Variants in SPAG17 observed in about 807,000 individuals in gnomAD.
SPAG17 encodes the protein sperm associated antigen 17.
Under a neutral mutation model 273.6 loss-of-function variants are expected in SPAG17, and 169 were observed. The observed-to-expected ratio is 0.62, with a 90% CI of 0.55 to 0.70. The LOEUF (loss-of-function observed/expected upper bound fraction) is 0.70, where lower values mean the gene tolerates loss of function less well. SPAG17 is among the 30% of genes least tolerant of loss of function. SPAG17 has a pLI of 0.00. For missense variants in SPAG17, 2,557 were observed against 2,627.8 expected (o/e 0.97, Z 0.59); for synonymous variants, 825 against 873.2 (o/e 0.94, Z 0.97).
chr1:118,133,164 C>T (rs1273123030), intron 3 of SPAG17, among the ~76,000 whole-genome samples: 2 of 152,102 alleles, frequency 1.3e-5, no homozygotes, highest in Admixed American at 1.3e-4. Flanking sequence ...GCATGAATAT[C>T]CTCCAGCAAC....
At chr1:118,179,681 C>G (rs763119497) in intron 1 of SPAG17, among the ~76,000 whole-genome samples, 1 of 151,930 alleles carries the variant, frequency 6.6e-6, no homozygotes, top group Non-Finnish European at 1.5e-5. Context: ...AAGATATTTG[C>G]AAATTATCCA....
intron 35 of SPAG17, 24 bp from the exon 36 acceptor site, chr1:117,992,672 C>T: frequency 6.5e-7 from 1 of 1,536,382 alleles, no homozygotes; most frequent in Non-Finnish European, 8.7e-7. Flanking sequence ...AAAGCAATAA[C>T]ACCACCAAAG....
chr1:118,051,755 GTATAA>G (rs917425668), intron 20 of SPAG17, among the ~76,000 whole-genome samples: 28 of 141,194 alleles, frequency 2.0e-4, no homozygotes, highest in Non-Finnish European at 3.3e-4. Flanking sequence ...ATTATATATA[GTATAA>G]TATAATATAA....
intron 3 of SPAG17, among the ~76,000 whole-genome samples, chr1:118,148,112 A>G (rs541384444): frequency 6.6e-6 from 1 of 152,314 alleles, no homozygotes; most frequent in Admixed American, 6.5e-5. Context: ...GGAATTTGTT[A>G]GATTATCTTT....
At chr1:118,128,298 G>C (rs918691219) in intron 3 of SPAG17, among the ~76,000 whole-genome samples, 2 of 151,998 alleles carry the variant, frequency 1.3e-5, no homozygotes, top group African/African-American at 2.4e-5. Context: ...AAAGTTTTTT[G>C]TGAAGTCTTT....
intron 24 of SPAG17, among the ~76,000 whole-genome samples, chr1:118,034,133 A>G (rs1368889651): frequency 1.6e-4 from 25 of 152,326 alleles, no homozygotes; most frequent in Admixed American, 1.5e-3. Flanking sequence ...CCATTTACTA[A>G]TATTCAGTAA....
In SPAG17 at chr1:118,087,023, A is replaced by C; in HGVS notation, c.1360-15T>G. 1 of 1,549,402 alleles carries C rather than the reference A, an allele frequency of 6.5e-7. No individual in the cohort carries two copies. The highest frequency in any genetic ancestry group is 1.2e-5 in the South Asian group (1 of 80,428). ...GTTGCAACAACCTGTTGAAATCAAC[A>C]ATGAGAGGAATTGGTGTAAGGGTCC... On this transcript the variant is annotated splice_polypyrimidine_tract_variant and intron_variant, in intron 10 of 48. Coordinates refer to ENST00000336338, the MANE Select transcript of SPAG17 (RefSeq NM_206996.4).
At chr1:118,065,623 T>A (rs1280727373) in intron 18 of SPAG17, among the ~76,000 whole-genome samples, 4 of 152,134 alleles carry the variant, frequency 2.6e-5, no homozygotes, top group African/African-American at 9.7e-5. Flanking sequence ...AAATCTGGCT[T>A]ACTACAGGAA....
Position 118,085,905 on chromosome 1 carries a change from C to A in SPAG17, c.1762+17G>T. 1 of 1,571,204 alleles carries A rather than the reference C, an allele frequency of 6.4e-7. No homozygotes were observed. On this transcript the variant is annotated intron_variant, in intron 13 of 48. Coordinates refer to ENST00000336338, the MANE Select transcript of SPAG17 (RefSeq NM_206996.4). ...TAATTAAATTGAGTTTAAGCTAAGA[C>A]AAAGCAATGGACTCACCACTCGTAC... is the stretch of plus-strand genomic sequence containing the variant.
intron 18 of SPAG17, among the ~76,000 whole-genome samples, chr1:118,066,148 T>TA (rs893075261): frequency 2.2e-4 from 33 of 151,642 alleles, no homozygotes; most frequent in African/African-American, 3.2e-4. Context: ...TCTTTAAAAC[T>TA]AAAAAAAATG....
intron 1 of SPAG17, among the ~76,000 whole-genome samples, chr1:118,161,251 AGCT>A (rs1310319790): frequency 6.6e-6 from 1 of 152,164 alleles, no homozygotes; most frequent in Non-Finnish European, 1.5e-5. Flanking sequence ...CCAGAGCTGG[AGCT>A]GTGCAGTAAT....
chr1:117,974,199 G>A (rs1474671664), intron 43 of SPAG17, among the ~76,000 whole-genome samples: 1 of 151,874 alleles, frequency 6.6e-6, no homozygotes, highest in Non-Finnish European at 1.5e-5. Flanking sequence ...GGAATTGCTG[G>A]GTCAAATTGT....
intron 38 of SPAG17, among the ~76,000 whole-genome samples, chr1:117,989,944 T>C (rs1185254139): frequency 2.0e-5 from 3 of 151,922 alleles, no homozygotes; most frequent in African/African-American, 7.2e-5. Context: ...GTACTTATAC[T>C]AAAAAAAATT....
intron 18 of SPAG17, among the ~76,000 whole-genome samples, chr1:118,064,810 T>C (rs1652789054): frequency 1.3e-5 from 2 of 151,744 alleles, no homozygotes; most frequent in Admixed American, 1.3e-4. Flanking sequence ...GTCAGATACT[T>C]TGAGGTGTTG....
chr1:118,183,439 A>T (rs866310694), intron 1 of SPAG17, among the ~76,000 whole-genome samples: 1 of 152,142 alleles, frequency 6.6e-6, no homozygotes, highest in Non-Finnish European at 1.5e-5. Context: ...GAAAAATGAG[A>T]GAGGAGGTGG....
intron 3 of SPAG17, among the ~76,000 whole-genome samples, chr1:118,133,430 G>A (rs754285327): frequency 6.6e-6 from 1 of 152,028 alleles, no homozygotes. Context: ...TTTTCAGAAG[G>A]TATGTTCCTG....
chr1:118,099,881 C>T (rs1655952757), intron 5 of SPAG17, 81 bp from the exon 6 acceptor site: 1 of 1,179,048 alleles, frequency 8.5e-7, no homozygotes, highest in South Asian at 1.4e-5. Flanking sequence ...TGGCTATATA[C>T]ATTATGCATG....
Position 118,055,800 on chromosome 1 carries a change from T to C in SPAG17, c.2655A>G (p.Glu885=), listed in dbSNP as rs1278094466. Residue 885 remains glutamate, a synonymous_variant, in exon 19 of 49, where the codon GAA becomes GAG. Transcript: ENST00000336338. ...GTTTGGCATTAGCAGAAGATTTCAATTCCAGCTCAGCTCTGGTCCTGATGA... is the reference window on the plus strand; with the variant it reads ...GTTTGGCATTAGCAGAAGATTTCAACTCCAGCTCAGCTCTGGTCCTGATGA... ...EKIIRTRAEL[E]LKSSANAKLT... 2 of 1,613,254 alleles carry C rather than the reference T, an allele frequency of 1.2e-6. No individual in the cohort carries two copies. Among genetic ancestry groups the C allele is most frequent in the Non-Finnish European group, 1.7e-6 (2 of 1,179,700 alleles).
intron 15 of SPAG17, among the ~76,000 whole-genome samples, chr1:118,079,755 T>C (rs1654383772): frequency 6.6e-6 from 1 of 152,178 alleles, no homozygotes; most frequent in African/African-American, 2.4e-5. Context: ...AAACTTCTTT[T>C]GGAGTACCTC....
Sources: allele counts gnomAD v4.1 joint callset (sites outside exome capture counted in the v4.1 genomes callset), GRCh38; gene constraint gnomAD v4.1.1; transcripts MANE v1.5; gene names NCBI Gene and HGNC (gene_info 2026-07-23, HGNC 2026-07-21).